RREB1: variants seen among roughly 807,000 people sequenced by gnomAD.
RREB1 encodes the protein ras responsive element binding protein 1.
RREB1 carries 27 observed loss-of-function variants against 117.8 expected under a neutral mutation model. The observed-to-expected ratio is 0.23, with a 90% confidence interval of 0.17 to 0.32. RREB1 has a LOEUF of 0.32. Among genes scored for constraint, RREB1 ranks in the 10% least tolerant of loss-of-function variants. RREB1 has a pLI of 1.00. For synonymous variants in RREB1, 1,298 were observed against 1,026.7 expected, an observed-to-expected ratio of 1.26 and a Z score of -5.05; for missense variants, 2,577 against 2,378.2, an observed-to-expected ratio of 1.08 and a Z score of -1.74.
chr6:7,168,177 C>G (rs1438756107), intron 1 of RREB1, among the ~76,000 whole-genome samples: 2 of 149,388 alleles, frequency 1.3e-5, no homozygotes, highest in African/African-American at 5.0e-5. Context: ...ATCACTTGAA[C>G]CCAGGAGGCA....
intron 6 of RREB1, among the ~76,000 whole-genome samples, chr6:7,197,175 C>T (rs905557494): frequency 3.3e-5 from 5 of 152,222 alleles, no homozygotes; most frequent in African/African-American, 1.2e-4. Flanking sequence ...AAATGTGCCT[C>T]ATTTGGAATA....
chr6:7,112,581 C>A (rs1761197111), intron 1 of RREB1, among the ~76,000 whole-genome samples: 1 of 152,090 alleles, frequency 6.6e-6, no homozygotes, highest in Non-Finnish European at 1.5e-5. Context: ...TGCAGGGTTG[C>A]AGGTACCTTA....
At chr6:7,213,046 C>T (rs6906505) in intron 8 of RREB1, 84,444 of 152,082 alleles carry the variant, frequency 0.56, 24,363 homozygotes, top group East Asian at 0.8. Flanking sequence ...CCCACTCCTC[C>T]CTCTGCTCAT....
At chr6:7,167,349 ATTT>A (rs777728313) in intron 1 of RREB1, among the ~76,000 whole-genome samples, 16 of 120,046 alleles carry the variant, frequency 1.3e-4, no homozygotes, top group African/African-American at 5.0e-4. Context: ...CTGGGACAGG[ATTT>A]TTTTTTTTTT....
intron 1 of RREB1, among the ~76,000 whole-genome samples, chr6:7,146,361 A>AG (rs781155072): frequency 1.3e-5 from 2 of 151,296 alleles, no homozygotes; most frequent in Admixed American, 6.6e-5. Flanking sequence ...ATGGCCTGAG[A>AG]GGGGGAAAGC....
At chr6:7,170,121 A>T (rs1764140053) in intron 1 of RREB1, among the ~76,000 whole-genome samples, 1 of 152,230 alleles carries the variant, frequency 6.6e-6, no homozygotes, top group South Asian at 2.1e-4. Flanking sequence ...GAAAAGGAGC[A>T]TCAGTAGCTT....
At chr6:7,174,725 C>T (rs1441788389) in intron 1 of RREB1, among the ~76,000 whole-genome samples, 1 of 152,210 alleles carries the variant, frequency 6.6e-6, no homozygotes, top group East Asian at 1.9e-4. Flanking sequence ...TCTCCTGCCT[C>T]AGTCTCCCAG....
Position 7,231,522 on chromosome 6 carries a change from C to T in RREB1, c.3423C>T (p.Pro1141=). The T allele has an allele frequency of 6.2e-7, 1 of 1,609,030 alleles. No individual in the cohort carries two copies. Among genetic ancestry groups the T allele is most frequent in the Non-Finnish European group, 8.5e-7 (1 of 1,177,744 alleles). ...APASSPEAAS[P]TEQGPAGTSK... is the part of the protein sequence containing the mutation. The stretch of plus-strand genomic sequence containing the variant: ...CCAGCAGCCCAGAGGCTGCCTCTCC[C>T]ACCGAGCAGGGCCCAGCGGGCACGT... Residue 1141 remains proline, a synonymous_variant, in exon 10 of 13, where the codon CCC becomes CCT. Coordinates refer to ENST00000379938, the MANE Select transcript of RREB1 (RefSeq NM_001003699.4).
chr6:7,123,449 A>G (rs533334033), intron 1 of RREB1, among the ~76,000 whole-genome samples: 1 of 152,290 alleles, frequency 6.6e-6, no homozygotes, highest in East Asian at 1.9e-4. Context: ...GGCGTGAGCC[A>G]CCACGCCTGG....
chr6:7,149,836 G>A lies in RREB1; in HGVS notation c.-284-26819G>A, dbSNP rs1581453601. Among the ~76,000 whole-genome samples the A allele has an allele frequency of 2.0e-5, 3 of 152,090 alleles. No individual in the cohort carries two copies. The South Asian group carries it at 6.2e-4, about 32-fold the overall frequency. On this transcript the variant is annotated intron_variant, in intron 1 of 12. Coordinates refer to ENST00000379938, the MANE Select transcript of RREB1 (RefSeq NM_001003699.4). ...CCTGAGTAGCTGGGATTACAGGTGT[G>A]CACCACCACGCCTGGCTAATTTTTG... is the stretch of plus-strand genomic sequence containing the variant.
chr6:7,109,214 C>T (rs1277558881), intron 1 of RREB1, among the ~76,000 whole-genome samples: 1 of 151,940 alleles, frequency 6.6e-6, no homozygotes, highest in African/African-American at 2.4e-5. Context: ...TCCCGGCCCC[C>T]GGCGTCTAGC....
At chr6:7,232,017 C>A in intron 10 of RREB1, 110 bp downstream of exon 10, 1 of 1,184,174 alleles carries the variant, frequency 8.4e-7, no homozygotes, top group South Asian at 1.6e-5. Flanking sequence ...TTATTCCTAG[C>A]TTGGCTTCTT....
intron 1 of RREB1, among the ~76,000 whole-genome samples, chr6:7,146,098 C>T (rs1050847870): frequency 1.1e-4 from 16 of 152,132 alleles, no homozygotes; most frequent in Admixed American, 7.9e-4. Flanking sequence ...ACTCCCCCCA[C>T]CAACACACAC....
At chr6:7,209,701 G>A (rs1170919804) in intron 6 of RREB1, among the ~76,000 whole-genome samples, 1 of 151,800 alleles carries the variant, frequency 6.6e-6, no homozygotes, top group East Asian at 1.9e-4. Flanking sequence ...CTCCAGCCTG[G>A]GCGACAGAGC....
intron 1 of RREB1, among the ~76,000 whole-genome samples, chr6:7,110,786 G>A (rs1330794954): frequency 6.6e-6 from 1 of 152,168 alleles, no homozygotes; most frequent in African/African-American, 2.4e-5. Flanking sequence ...AGAATGTCTT[G>A]TTTTTAAAGA....
intron 10 of RREB1, among the ~76,000 whole-genome samples, chr6:7,240,000 G>C (rs545395408): frequency 1.3e-5 from 2 of 152,280 alleles, no homozygotes; most frequent in Non-Finnish European, 2.9e-5. Context: ...GATACCCAGG[G>C]GTTCCCCATT....
intron 1 of RREB1, among the ~76,000 whole-genome samples, chr6:7,157,088 C>A (rs1038326847): frequency 1.7e-4 from 26 of 152,174 alleles, no homozygotes; most frequent in African/African-American, 1.4e-4. Context: ...CTTCTTCTTA[C>A]TCATAGTATA....
At chr6:7,136,831 G>A (rs1043911762) in intron 1 of RREB1, among the ~76,000 whole-genome samples, 2 of 152,198 alleles carry the variant, frequency 1.3e-5, no homozygotes, top group East Asian at 1.9e-4. Context: ...GTGAAAGCCC[G>A]TCGTTAACCA....
Position 7,162,953 on chromosome 6 carries a change from G to A in RREB1, c.-284-13702G>A, listed in dbSNP as rs914976769. ...AGCCTCAACCTCCCTGGGCTCAGGC[G>A]ATCCTCCCACCTCAGCTTCCTGAGT... On this transcript the variant is annotated intron_variant, in intron 1 of 12. Coordinates refer to ENST00000379938, the MANE Select transcript of RREB1 (RefSeq NM_001003699.4). Among the ~76,000 whole-genome samples the A allele has an allele frequency of 5.9e-5, 9 of 151,922 alleles. No homozygotes were observed. In the East Asian group the frequency reaches 1.7e-3, roughly 29 times the overall value.
Sources: gnomAD v4.1 joint callset for allele counts (sites outside exome capture counted in the v4.1 genomes callset) on GRCh38, gnomAD v4.1.1 for gene constraint, MANE v1.5 for transcripts, NCBI Gene and HGNC (gene_info 2026-07-23, HGNC 2026-07-21) for gene names.